The following CCDC90B variants were observed in gnomAD, a reference collection of about 807,000 sequenced individuals.
CCDC90B encodes coiled-coil domain-containing protein 90B, mitochondrial.
A neutral mutation model predicts 37.0 loss-of-function variants in CCDC90B; 24 were observed. That is an observed-to-expected ratio of 0.65 (90% CI 0.47 to 0.91). The LOEUF (loss-of-function observed/expected upper bound fraction) is 0.91, where lower values mean the gene tolerates loss of function less well. Among genes scored for constraint, CCDC90B ranks in the 40% least tolerant of loss-of-function variants. CCDC90B has a pLI of 0.00. For missense variants in CCDC90B, 319 were observed against 299.0 expected, an observed-to-expected ratio of 1.07 and a Z score of -0.49; for synonymous variants, 113 against 101.1, an observed-to-expected ratio of 1.12 and a Z score of -0.71.
chr11:83,261,720 A>G lies in CCDC90B; in HGVS notation c.*191T>C, dbSNP rs747874610. The G allele has an allele frequency of 1.8e-5, 8 of 438,902 alleles. No individual in the cohort carries two copies. Among genetic ancestry groups the G allele is most frequent in the Non-Finnish European group, 3.3e-5 (8 of 245,792 alleles). The allele number at this position is 438,902 out of a possible 1,614,324, so 27.2% of individuals were successfully genotyped here. On this transcript the variant is annotated 3_prime_UTR_variant, in exon 9 of 9. Coordinates refer to ENST00000529689, the MANE Select transcript of CCDC90B (RefSeq NM_021825.5). ...GCTTTTCAATATAATAAAGACACAC[A>G]CCTGCACTCACACACACACAATAAA...
In CCDC90B at chr11:83,286,151, C is replaced by CA; in HGVS notation, c.-180dup. The CA allele has an allele frequency of 6.5e-7, 1 of 1,536,190 alleles. No individual in the cohort carries two copies. Among genetic ancestry groups the CA allele is most frequent in the Non-Finnish European group, 8.7e-7 (1 of 1,146,904 alleles). On this transcript the variant is annotated 5_prime_UTR_variant, in exon 1 of 9. It introduces an in-frame stop codon into an upstream open reading frame of the 5' UTR. Transcript: ENST00000529689. ...CCACGAAACTGGGTCTCTTCACAGA[C>CA]AGACCCACAGTTCGCGAGCATGGCT...
chr11:83,275,984 GC>G (rs1174452790), intron 3 of CCDC90B, among the ~76,000 whole-genome samples: 5 of 152,226 alleles, frequency 3.3e-5, no homozygotes, highest in Non-Finnish European at 7.3e-5. Flanking sequence ...GGATCTAATG[GC>G]TGAAGCAGGA....
intron 3 of CCDC90B, among the ~76,000 whole-genome samples, chr11:83,277,317 CTAAT>C (rs1419885313): frequency 2.0e-5 from 3 of 152,022 alleles, no homozygotes; most frequent in Non-Finnish European, 4.4e-5. Flanking sequence ...TTAGGAGTAA[CTAAT>C]TAGATGTTTG....
At chr11:83,267,805 T>C (rs939840674) in intron 7 of CCDC90B, among the ~76,000 whole-genome samples, 1 of 152,094 alleles carries the variant, frequency 6.6e-6, no homozygotes, top group Non-Finnish European at 1.5e-5. Context: ...GACACATAAT[T>C]ATCAGATTCA....
Position 83,265,967 on chromosome 11 carries a change from T to C in CCDC90B, c.607A>G (p.Lys203Glu), listed in dbSNP as rs768144274. 1 of 1,593,782 alleles carries C rather than the reference T, an allele frequency of 6.3e-7. No individual in the cohort carries two copies. The highest frequency in any genetic ancestry group is 8.6e-7 in the Non-Finnish European group (1 of 1,161,950). ...TEFTKKDTQT[K>E]SIISETSNKI... is the part of the protein sequence containing the mutation. ...TTACTGGTCTCTGAAATAATACTTT[T>C]GGTTTGAGTATCCTGTGGTAAACCA... Residue 203 changes from lysine to glutamate, a missense_variant, in exon 8 of 9, where the codon AAA (lysine) becomes GAA (glutamate). Transcript: ENST00000529689.
In CCDC90B at chr11:83,260,319, G is replaced by C. The variant is rs1863870532; in HGVS notation, c.*1592C>G. 6.6e-6 allele frequency: 1 copy of C among 152,188 alleles called. No individual in the cohort carries two copies. 9.4% of individuals were successfully genotyped at this position (152,188 alleles called of 1,614,324 possible). On this transcript the variant is annotated 3_prime_UTR_variant, in exon 9 of 9. Transcript: ENST00000529689. ...CATGCTGTTTGGCATATAGCAGGCA[G>C]TCATATTGGTTAACTGAACAAATGC...
At chr11:83,264,941 C>T (rs1027453658) in intron 8 of CCDC90B, among the ~76,000 whole-genome samples, 2 of 122,028 alleles carry the variant, frequency 1.6e-5, no homozygotes, top group African/African-American at 3.3e-5. Flanking sequence ...GGGAACATCA[C>T]GCTCTGGGGA....
At chr11:83,276,090 G>A (rs1329072346) in intron 3 of CCDC90B, among the ~76,000 whole-genome samples, 4 of 152,076 alleles carry the variant, frequency 2.6e-5, no homozygotes, top group Non-Finnish European at 4.4e-5. Context: ...GCTGACTCAT[G>A]CCTTTTCTAA....
At chr11:83,273,456 T>A in intron 7 of CCDC90B, 191 bp downstream of exon 7, 1 of 410,722 alleles carries the variant, frequency 2.4e-6, no homozygotes, top group Non-Finnish European at 4.4e-6. Context: ...TTCAAGGTCA[T>A]GGCTCATGGG....
intron 7 of CCDC90B, among the ~76,000 whole-genome samples, chr11:83,268,057 G>C (rs1438517395): frequency 6.6e-6 from 1 of 152,154 alleles, no homozygotes; most frequent in Non-Finnish European, 1.5e-5. Context: ...CAAATGCTGA[G>C]AGATTTTGTC....
At chr11:83,278,193 T>A (rs1428404410) in intron 3 of CCDC90B, among the ~76,000 whole-genome samples, 1 of 152,208 alleles carries the variant, frequency 6.6e-6, no homozygotes, top group Non-Finnish European at 1.5e-5. Flanking sequence ...GATTAAATAA[T>A]ATACGAAAAG....
intron 7 of CCDC90B, among the ~76,000 whole-genome samples, chr11:83,268,699 C>T (rs1252995378): frequency 9.9e-5 from 15 of 152,080 alleles, no homozygotes; most frequent in African/African-American, 3.4e-4. Flanking sequence ...GATAGATCAA[C>T]GAGACAGAAG....
chr11:83,274,568 C>G (rs557090326), intron 4 of CCDC90B, 71 bp downstream of exon 4: 1 of 862,814 alleles, frequency 1.2e-6, no homozygotes, highest in Admixed American at 2.7e-5. Flanking sequence ...GTCTTATTAA[C>G]TTATTCCTTA....
intron 8 of CCDC90B, 38 bp downstream of exon 8, chr11:83,265,827 A>T: frequency 7.5e-7 from 1 of 1,332,994 alleles, no homozygotes; most frequent in Non-Finnish European, 1.1e-6. Flanking sequence ...CTAACAGGAA[A>T]ATTAGATGAC....
chr11:83,263,097 C>T (rs768213197), intron 8 of CCDC90B, among the ~76,000 whole-genome samples: 7 of 151,886 alleles, frequency 4.6e-5, no homozygotes, highest in Non-Finnish European at 1.5e-5. Context: ...TTTTTTTTCT[C>T]TTAATAAAAA....
At chr11:83,283,070 A>AAG (rs1865486521) in intron 1 of CCDC90B, among the ~76,000 whole-genome samples, 1 of 14,094 alleles carries the variant, frequency 7.1e-5, no homozygotes. Context: ...CTCTTTACAG[A>AAG]AAGTTTGTCA....
intron 3 of CCDC90B, among the ~76,000 whole-genome samples, chr11:83,275,432 T>C (rs973845508): frequency 7.9e-5 from 12 of 151,870 alleles, no homozygotes; most frequent in Middle Eastern, 6.8e-3. Context: ...TTTTGAGTGC[T>C]GACATAACAC....
At chr11:83,266,345 T>C (rs900722268) in intron 7 of CCDC90B, among the ~76,000 whole-genome samples, 1 of 152,182 alleles carries the variant, frequency 6.6e-6, no homozygotes, top group African/African-American at 2.4e-5. Flanking sequence ...GGATTTCCCT[T>C]TCCTAGCCAA....
intron 8 of CCDC90B, among the ~76,000 whole-genome samples, chr11:83,263,918 C>T (rs970450945): frequency 3.9e-5 from 6 of 152,172 alleles, no homozygotes; most frequent in East Asian, 1.9e-4. Context: ...CCTGCTGGCA[C>T]CTCAACATCA....
Sources: allele counts gnomAD v4.1 joint callset (sites outside exome capture counted in the v4.1 genomes callset), GRCh38; gene constraint gnomAD v4.1.1; transcripts MANE v1.5; gene names NCBI Gene and HGNC (gene_info 2026-07-23, HGNC 2026-07-21).